The following MALRD1 variants were observed in gnomAD, a reference collection of about 807,000 sequenced individuals.
MALRD1 encodes MAM and LDL-receptor class A domain-containing protein 1.
MALRD1 carries 247 observed loss-of-function variants against 242.1 expected under a neutral mutation model. That is an observed-to-expected ratio of 1.02 (90% confidence interval 0.92 to 1.13). The LOEUF (loss-of-function observed/expected upper bound fraction) is 1.13. MALRD1 is among the 50% of genes most tolerant of loss of function. The pLI is 0.00. For synonymous variants in MALRD1, 995 were observed against 866.6 expected, an observed-to-expected ratio of 1.15 and a Z score of -2.60; for missense variants, 2,989 against 2,533.1, an observed-to-expected ratio of 1.18 and a Z score of -3.86.
chr10:19,327,749 C>G, intron 23 of MALRD1, 76 bp downstream of exon 23: 1 of 1,188,120 alleles, frequency 8.4e-7, no homozygotes, highest in Non-Finnish European at 1.2e-6. Context: ...CTTCTCTACT[C>G]ACAGTCTTCT....
At chr10:19,542,170 C>G (rs1011161490) in intron 32 of MALRD1, among the ~76,000 whole-genome samples, 2 of 152,124 alleles carry the variant, frequency 1.3e-5, no homozygotes, top group East Asian at 1.9e-4. Context: ...TGACTACAAA[C>G]AGACTAGGTG....
chr10:19,337,962 T>C (rs1843682564), intron 24 of MALRD1, among the ~76,000 whole-genome samples: 1 of 150,594 alleles, frequency 6.6e-6, no homozygotes, highest in South Asian at 2.1e-4. Flanking sequence ...CTCGGGAGGC[T>C]GGGGCAGGGG....
At chr10:19,209,173 A>G (rs1010380655) in intron 17 of MALRD1, 95 bp from the exon 18 acceptor site, 2 of 1,163,708 alleles carry the variant, frequency 1.7e-6, no homozygotes, top group Non-Finnish European at 2.3e-6. Context: ...TGAGCAAAGT[A>G]TCAACTAGCA....
At chr10:19,690,405 T>C (rs1269320780) in intron 36 of MALRD1, among the ~76,000 whole-genome samples, 2 of 152,082 alleles carry the variant, frequency 1.3e-5, no homozygotes, top group Non-Finnish European at 2.9e-5. Context: ...TTCCAATTCC[T>C]TTGTTTTATT....
intron 28 of MALRD1, among the ~76,000 whole-genome samples, chr10:19,413,682 G>T (rs1833376622): frequency 6.6e-6 from 1 of 151,638 alleles, no homozygotes; most frequent in Non-Finnish European, 1.5e-5. Context: ...AGCCAGTGAG[G>T]TTTTTTTTAA....
intron 28 of MALRD1, among the ~76,000 whole-genome samples, chr10:19,421,035 TGATAAA>T (rs1833700772): frequency 1.3e-5 from 2 of 152,206 alleles, no homozygotes; most frequent in Non-Finnish European, 2.9e-5. Flanking sequence ...GGGATTTGAA[TGATAAA>T]GATGAATATT....
intron 32 of MALRD1, among the ~76,000 whole-genome samples, chr10:19,533,438 TTGG>T (rs967545537): frequency 7.2e-5 from 11 of 152,136 alleles, no homozygotes; most frequent in Non-Finnish European, 2.9e-5. Context: ...AGCAACAGTC[TTGG>T]TGGGTGTATT....
At chr10:19,557,992 T>C (rs535392521) in intron 32 of MALRD1, among the ~76,000 whole-genome samples, 42 of 152,072 alleles carry the variant, frequency 2.8e-4, no homozygotes, top group Non-Finnish European at 5.0e-4. Context: ...TTTATAAATA[T>C]ATATTTCTTT....
chr10:19,384,650 T>A (rs1846000229), intron 26 of MALRD1, among the ~76,000 whole-genome samples: 1 of 134,474 alleles, frequency 7.4e-6, no homozygotes, highest in African/African-American at 2.8e-5. Flanking sequence ...ATAGTATATA[T>A]AATATAATAT....
intron 14 of MALRD1, among the ~76,000 whole-genome samples, chr10:19,192,036 A>T (rs990731748): frequency 7.4e-5 from 11 of 149,398 alleles, no homozygotes; most frequent in Admixed American, 1.3e-4. Context: ...TAAATAAAAT[A>T]AAAAAAAAAC....
chr10:19,410,679 C>CTTTTTT (rs58147034), intron 28 of MALRD1, among the ~76,000 whole-genome samples: 1 of 132,916 alleles, frequency 7.5e-6, no homozygotes. Flanking sequence ...TCCTTCCTTC[C>CTTTTTT]TTTTTTTTTT....
At position 19,366,242 on chromosome 10, in the gene MALRD1, G is replaced by A. The variant is rs1845102455; in HGVS notation, c.4441+13945G>A. 2.0e-5 allele frequency among the ~76,000 whole-genome samples: 3 copies of A among 151,758 alleles called. No individual in the cohort carries two copies. In the South Asian group the frequency reaches 6.2e-4, roughly 32 times the overall value. ...TGCAACTAGATGGTCCCATCCGGGG[G>A]TGATGGGAGGCAGTGACAGATCATC... On this transcript the variant is annotated intron_variant, in intron 26 of 39. Coordinates refer to ENST00000454679, the MANE Select transcript of MALRD1 (RefSeq NM_001142308.3).
intron 16 of MALRD1, 46 bp downstream of exon 16, chr10:19,204,459 G>C (rs1253235373): frequency 1.5e-6 from 2 of 1,299,470 alleles, no homozygotes; most frequent in South Asian, 2.7e-5. Flanking sequence ...AGTTCACCCT[G>C]GTGGTGAAGT....
At chr10:19,599,908 C>T (rs1421727792) in intron 34 of MALRD1, among the ~76,000 whole-genome samples, 3 of 152,168 alleles carry the variant, frequency 2.0e-5, no homozygotes. Context: ...TCCAATCGTA[C>T]ACCAGAAGAC....
At chr10:19,259,511 A>G (rs1839655382) in intron 19 of MALRD1, among the ~76,000 whole-genome samples, 1 of 151,998 alleles carries the variant, frequency 6.6e-6, no homozygotes, top group African/African-American at 2.4e-5. Context: ...GTACAGGGTA[A>G]CTCCCCTTTA....
intron 1 of MALRD1, among the ~76,000 whole-genome samples, chr10:19,055,450 G>A (rs889450738): frequency 2.0e-5 from 3 of 152,048 alleles, no homozygotes; most frequent in African/African-American, 7.2e-5. Flanking sequence ...TGGGCTTTTG[G>A]GGACATAGCC....
At chr10:19,137,050 G>A (rs1833368408) in intron 10 of MALRD1, among the ~76,000 whole-genome samples, 1 of 152,200 alleles carries the variant, frequency 6.6e-6, no homozygotes. Flanking sequence ...GTGTGCGAAT[G>A]TGTGTGCTTT....
intron 38 of MALRD1, among the ~76,000 whole-genome samples, chr10:19,727,525 A>G (rs75709105): frequency 0.031 from 4,702 of 152,258 alleles, 236 homozygotes; most frequent in African/African-American, 0.093. Flanking sequence ...CGTAATGGAT[A>G]TAAGATAAAC....
At chr10:19,663,258 T>C (rs996276537) in intron 36 of MALRD1, among the ~76,000 whole-genome samples, 2 of 152,194 alleles carry the variant, frequency 1.3e-5, no homozygotes, top group Non-Finnish European at 2.9e-5. Context: ...CTCCCACTTA[T>C]AAGTGAGATC....
Sources: gnomAD v4.1 joint callset for allele counts (sites outside exome capture counted in the v4.1 genomes callset) on GRCh38, gnomAD v4.1.1 for gene constraint, MANE v1.5 for transcripts, NCBI Gene and HGNC (gene_info 2026-07-23, HGNC 2026-07-21) for gene names.